CPLANE1: variants seen among roughly 807,000 people sequenced by gnomAD.
CPLANE1 encodes ciliogenesis and planar polarity effector complex subunit 1.
CPLANE1 carries 263 observed loss-of-function variants against 362.5 expected under a neutral mutation model. The ratio of observed to expected loss-of-function variants is 0.73; its 90% CI spans 0.66 to 0.80. CPLANE1 has a LOEUF of 0.80. CPLANE1 is among the 30% of genes least tolerant of loss of function. The probability of loss-of-function intolerance (pLI) is 0.00; values close to 1 mark genes in which losing one functional copy is unlikely to be tolerated. For missense variants in CPLANE1, 3,461 were observed against 3,793.4 expected (o/e 0.91, Z 2.30); for synonymous variants, 1,212 against 1,302.6 (o/e 0.93, Z 1.50).
intron 40 of CPLANE1, 39 bp from the exon 41 acceptor site, chr5:37,157,459 G>A: frequency 1.6e-5 from 23 of 1,419,512 alleles, no homozygotes; most frequent in Non-Finnish European, 2.2e-5. Flanking sequence ...GGAATTGGCT[G>A]ATTCTATCAA....
At chr5:37,211,294 G>T in intron 16 of CPLANE1, 5 of 1,511,520 alleles carry the variant, frequency 3.3e-6, no homozygotes, top group Middle Eastern at 2.0e-4. Context: ...GAGGCGGAAC[G>T]CTTGGAAAAG....
In CPLANE1 at chr5:37,127,012, A is replaced by T. The variant is rs180967353; in HGVS notation, c.8793-1603T>A. ...AATACATGGCAGGCAGTATCTCCCCAGTAAAACCCCAGGCACTGAATTTCT... is the reference window on the plus strand; with the variant it reads ...AATACATGGCAGGCAGTATCTCCCCTGTAAAACCCCAGGCACTGAATTTCT... On this transcript the variant is annotated intron_variant, in intron 46 of 52. Coordinates refer to ENST00000651892, the MANE Select transcript of CPLANE1 (RefSeq NM_001384732.1). 1.2e-4 allele frequency among the ~76,000 whole-genome samples: 18 copies of T among 152,296 alleles called. No homozygotes were observed. The East Asian group carries it at 2.9e-3, about 24-fold the overall frequency.
At chr5:37,224,385 A>G in intron 13 of CPLANE1, 52 bp from the exon 14 acceptor site, 1 of 1,379,876 alleles carries the variant, frequency 7.2e-7, no homozygotes. Context: ...TTACTTCATA[A>G]AAATTTACTT....
chr5:37,086,934 G>A, the CPLANE1 span, among the ~76,000 whole-genome samples: 3 of 152,318 alleles, frequency 2.0e-5, no homozygotes, highest in South Asian at 2.1e-4. Flanking sequence ...TGAAATGAAA[G>A]TGAAAAGGAC....
At chr5:37,124,519 A>G (rs1218188168) in intron 47 of CPLANE1, among the ~76,000 whole-genome samples, 1 of 152,136 alleles carries the variant, frequency 6.6e-6, no homozygotes, top group African/African-American at 2.4e-5. Flanking sequence ...TAGGTAACTT[A>G]TGAACAGAAA....
chr5:37,180,621 A>T (rs1378632191), intron 27 of CPLANE1, among the ~76,000 whole-genome samples: 1 of 152,204 alleles, frequency 6.6e-6, no homozygotes, highest in Non-Finnish European at 1.5e-5. Context: ...ATAAATTGAT[A>T]AAGGAATCCC....
intron 46 of CPLANE1, among the ~76,000 whole-genome samples, chr5:37,131,917 G>A (rs538022602): frequency 8.5e-5 from 13 of 152,188 alleles, no homozygotes; most frequent in East Asian, 1.9e-4. Flanking sequence ...CCTCAGCCTC[G>A]AAAGTGCTGA....
rs1328427760 is a variant in CPLANE1, at chr5:37,182,878, G to A, written c.5303C>T (p.Ser1768Phe). 1.2e-6 allele frequency: 2 copies of A among 1,608,922 alleles called. No homozygotes were observed. Among genetic ancestry groups the A allele is most frequent in the Middle Eastern group, 1.7e-4 (1 of 6,024 alleles). The change falls in exon 26 of 53, where the codon TCC (serine) becomes TTC (phenylalanine). Residue 1768 changes from serine (S) to phenylalanine (F), a missense_variant. This residue lies in a region of CPLANE1 where 3,380 missense variants were observed against 3,666.1 expected (regional missense o/e 0.92). Coordinates refer to ENST00000651892, the MANE Select transcript of CPLANE1 (RefSeq NM_001384732.1). ...LLCDSGITESSSEYSPVIRVK... is the reference protein window; with the variant it reads ...LLCDSGITESFSEYSPVIRVK... ...ACGAATTACTGGACTGTACTCAGAG[G>A]ATGACTCAGTTATACCAGAATCACA...
In CPLANE1 at chr5:37,239,764, A is replaced by G. The variant is rs1219973188; in HGVS notation, c.783T>C (p.Phe261=). Residue 261 remains phenylalanine (F), a synonymous_variant, in exon 7 of 53, where the codon TTT becomes TTC. Transcript: ENST00000651892. Reference sequence around the variant, plus strand: ...CTGCCAGGGTAAGGCCATCTCTTGAAAAGGCAGAAATTAGAGCTCCTCTTG... The same window carrying G: ...CTGCCAGGGTAAGGCCATCTCTTGAGAAGGCAGAAATTAGAGCTCCTCTTG... ...VKSRGALISA[F]SRDGLTLAVT... 1.9e-6 allele frequency: 3 copies of G among 1,546,306 alleles called. No homozygotes were observed. The highest frequency in any genetic ancestry group is 2.6e-6 in the Non-Finnish European group (3 of 1,144,140).
chr5:37,152,740 T>C (rs1773930595), intron 42 of CPLANE1, among the ~76,000 whole-genome samples: 1 of 151,938 alleles, frequency 6.6e-6, no homozygotes, highest in South Asian at 2.1e-4. Flanking sequence ...TTTTAAAAAC[T>C]TAGCTGAGAG....
chr5:37,184,846 C>T lies in CPLANE1; in HGVS notation c.4423G>A (p.Asp1475Asn), dbSNP rs1783563344. The T allele has an allele frequency of 6.2e-7, 1 of 1,614,068 alleles. No individual in the cohort carries two copies. Residue 1475 changes from aspartate to asparagine, a missense_variant, in exon 25 of 53, where the codon GAT becomes AAT. Coordinates refer to ENST00000651892, the MANE Select transcript of CPLANE1 (RefSeq NM_001384732.1). ...LGDSVVHSDA[D>N]TFSEALSVEE... is the part of the protein sequence containing the mutation. ...ACCGACAAAGCTTCAGAGAACGTAT[C>T]TGCATCACTGTGAACCACAGAATCT...
intron 6 of CPLANE1, among the ~76,000 whole-genome samples, chr5:37,242,329 G>A (rs1800744100): frequency 6.6e-6 from 1 of 151,892 alleles, no homozygotes; most frequent in African/African-American, 2.4e-5. Context: ...ACTCCAGCCT[G>A]GGCGACAGAG....
intron 1 of CPLANE1, among the ~76,000 whole-genome samples, chr5:37,247,987 A>G (rs1295698725): frequency 6.6e-6 from 1 of 151,426 alleles, no homozygotes; most frequent in Non-Finnish European, 1.5e-5. Context: ...ATGGGGTTTC[A>G]CCATGTTGGC....
chr5:37,148,310 G>C, intron 42 of CPLANE1, 42 bp from the exon 43 acceptor site: 1 of 1,353,226 alleles, frequency 7.4e-7, no homozygotes. Context: ...GTAATACTTT[G>C]ATAATTTCAA....
chr5:37,092,367 C>T, the CPLANE1 span, among the ~76,000 whole-genome samples: 3 of 152,190 alleles, frequency 2.0e-5, no homozygotes, highest in Non-Finnish European at 2.9e-5. Flanking sequence ...AAGAAAATGC[C>T]TTAACAGCCT....
downstream of CPLANE1, among the ~76,000 whole-genome samples, chr5:37,104,895 C>G (rs1197879736): frequency 6.6e-6 from 1 of 152,160 alleles, no homozygotes; most frequent in Non-Finnish European, 1.5e-5. Context: ...TGCACTCCAG[C>G]CTGGGTGACA....
chr5:37,198,328 T>C (rs1788153258), intron 20 of CPLANE1, among the ~76,000 whole-genome samples: 1 of 152,042 alleles, frequency 6.6e-6, no homozygotes, highest in African/African-American at 2.4e-5. Flanking sequence ...ACTATAACTT[T>C]CCATTCTCTG....
chr5:37,173,930 T>C lies in CPLANE1; in HGVS notation c.5996A>G (p.Tyr1999Cys). ...SEISSAQIST[Y>C]KEKSSSVPLL... ...TGGAACTGAGGAAGATTTTTCTTTATATGTAGAAATCTGTGCACTGCGTGG... is the reference window on the plus strand; with the variant it reads ...TGGAACTGAGGAAGATTTTTCTTTACATGTAGAAATCTGTGCACTGCGTGG... Residue 1999 changes from tyrosine (Y) to cysteine (C), a missense_variant, in exon 32 of 53, where the codon TAT (tyrosine) becomes TGT (cysteine). Physicochemically the swap from Tyr to Cys is radical, Grantham distance 194. Coordinates refer to ENST00000651892, the MANE Select transcript of CPLANE1 (RefSeq NM_001384732.1). 1 of 1,614,098 alleles carries C rather than the reference T, an allele frequency of 6.2e-7. No homozygotes were observed. Among genetic ancestry groups the C allele is most frequent in the South Asian group, 1.1e-5 (1 of 91,080 alleles).
intron 38 of CPLANE1, among the ~76,000 whole-genome samples, chr5:37,160,817 G>A (rs1232255439): frequency 1.3e-5 from 2 of 151,480 alleles, no homozygotes; most frequent in Non-Finnish European, 2.9e-5. Flanking sequence ...GACTACAGGC[G>A]CCTGCCACCA....
Sources: gnomAD v4.1 joint callset for allele counts (sites outside exome capture counted in the v4.1 genomes callset) on GRCh38, gnomAD v4.1.1 for gene constraint, gnomAD v4.1.1 regional missense constraint, MANE v1.5 for transcripts, NCBI Gene and HGNC (gene_info 2026-07-23, HGNC 2026-07-21) for gene names.